IQCM: variants seen among roughly 807,000 people sequenced by gnomAD.
The protein encoded by IQCM is IQ domain-containing protein M.
Under a neutral mutation model 57.6 loss-of-function variants are expected in IQCM, and 45 were observed. That is an observed-to-expected ratio of 0.78 (90% confidence interval 0.62 to 1.00). The LOEUF is 1.00. IQCM is among the 50% of genes least tolerant of loss of function. The pLI is 0.00. For synonymous variants in IQCM, 148 were observed against 158.9 expected, an observed-to-expected ratio of 0.93 and a Z score of 0.51; for missense variants, 468 against 511.6, an observed-to-expected ratio of 0.91 and a Z score of 0.82.
intron 13 of IQCM, among the ~76,000 whole-genome samples, chr4:149,410,518 T>A (rs967360377): frequency 6.6e-6 from 1 of 150,728 alleles, no homozygotes; most frequent in South Asian, 2.1e-4. Context: ...AACTAAAATT[T>A]ATGTAATATT....
intron 5 of IQCM, among the ~76,000 whole-genome samples, chr4:149,725,463 A>C (rs1765806553): frequency 6.6e-6 from 1 of 152,186 alleles, no homozygotes; most frequent in South Asian, 2.1e-4. Flanking sequence ...TTGCAATTTT[A>C]ATTCAAATAT....
intron 13 of IQCM, among the ~76,000 whole-genome samples, chr4:149,388,224 A>G (rs72953681): frequency 0.026 from 3,914 of 151,762 alleles, 133 homozygotes; most frequent in African/African-American, 0.079. Flanking sequence ...TGGGTCACAT[A>G]TTAGATGTGT....
intron 12 of IQCM, among the ~76,000 whole-genome samples, chr4:149,452,281 C>T (rs1005648304): frequency 6.6e-6 from 1 of 151,280 alleles, no homozygotes; most frequent in Non-Finnish European, 1.5e-5. Flanking sequence ...AATTGATCTA[C>T]AGATTCAATG....
At chr4:149,615,011 C>T (rs542634679) in intron 8 of IQCM, among the ~76,000 whole-genome samples, 2 of 152,172 alleles carry the variant, frequency 1.3e-5, no homozygotes, top group Non-Finnish European at 2.9e-5. Context: ...CAAATACTAA[C>T]TAGAAATTAC....
intron 3 of IQCM, among the ~76,000 whole-genome samples, chr4:149,737,252 A>C (rs966477804): frequency 6.6e-6 from 1 of 152,164 alleles, no homozygotes; most frequent in African/African-American, 2.4e-5. Flanking sequence ...TTTTGATAGG[A>C]ATTTGGATTA....
At position 149,813,147 on chromosome 4, in the gene IQCM, T is replaced by A. The variant is rs184784806; in HGVS notation, c.-49+2164A>T. On this transcript the variant is annotated intron_variant, in intron 2 of 13. Transcript: ENST00000636793. ...CCTGGCATCCCCCAAACAAGAAAATTTTTATTATTTTTTTCTTTCCACTCA... is the reference window on the plus strand; with the variant it reads ...CCTGGCATCCCCCAAACAAGAAAATATTTATTATTTTTTTCTTTCCACTCA... Among the ~76,000 whole-genome samples, 16 of 152,206 alleles carry A rather than the reference T, an allele frequency of 1.1e-4. 1 individual carries two copies. The East Asian group carries it at 3.1e-3, about 29-fold the overall frequency.
At chr4:149,424,499 A>G (rs1228321260) in intron 13 of IQCM, among the ~76,000 whole-genome samples, 1 of 151,836 alleles carries the variant, frequency 6.6e-6, no homozygotes, top group Non-Finnish European at 1.5e-5. Flanking sequence ...TGTGTGGAAT[A>G]TGCAGAAAAA....
At chr4:149,528,062 T>C (rs1375617419) in intron 12 of IQCM, among the ~76,000 whole-genome samples, 4 of 151,764 alleles carry the variant, frequency 2.6e-5, no homozygotes, top group African/African-American at 9.7e-5. Context: ...CTTTGCTCAC[T>C]GCAACCTCCA....
chr4:149,755,599 G>A (rs1328567415), intron 2 of IQCM, among the ~76,000 whole-genome samples: 2 of 152,120 alleles, frequency 1.3e-5, no homozygotes, highest in African/African-American at 2.4e-5. Flanking sequence ...ATTCACGATT[G>A]CAACCCTCCC....
chr4:149,789,340 A>T (rs1772364527), intron 2 of IQCM, among the ~76,000 whole-genome samples: 1 of 152,204 alleles, frequency 6.6e-6, no homozygotes, highest in Admixed American at 6.5e-5. Flanking sequence ...CTATTCTGAG[A>T]TAACCCAAGG....
intron 2 of IQCM, among the ~76,000 whole-genome samples, chr4:149,755,629 T>C (rs1211926538): frequency 6.6e-6 from 1 of 152,176 alleles, no homozygotes; most frequent in East Asian, 1.9e-4. Context: ...CCTGATTTAT[T>C]TTCTTCTTTA....
At chr4:149,452,595 A>C (rs998444777) in intron 12 of IQCM, among the ~76,000 whole-genome samples, 1 of 151,600 alleles carries the variant, frequency 6.6e-6, no homozygotes, top group Non-Finnish European at 1.5e-5. Context: ...AACTTTTTTG[A>C]GGAATAATTG....
chr4:149,550,579 C>T (rs907288197), intron 11 of IQCM, among the ~76,000 whole-genome samples: 2 of 152,034 alleles, frequency 1.3e-5, no homozygotes, highest in Admixed American at 6.5e-5. Flanking sequence ...GTATATTATG[C>T]CCTATGAGCA....
chr4:149,689,399 G>C (rs1206029671), intron 5 of IQCM, among the ~76,000 whole-genome samples: 2 of 151,872 alleles, frequency 1.3e-5, no homozygotes, highest in Non-Finnish European at 2.9e-5. Context: ...TCACACTATG[G>C]GGCCTGTGGG....
intron 7 of IQCM, among the ~76,000 whole-genome samples, 186 bp from the exon 8 acceptor site, chr4:149,621,430 C>T (rs185978363): frequency 7.4e-4 from 112 of 152,298 alleles, no homozygotes; most frequent in African/African-American, 2.5e-3. Context: ...TAGAGAGAGG[C>T]TTCAATTAAT....
chr4:149,523,614 C>A (rs1013910565), intron 12 of IQCM, among the ~76,000 whole-genome samples: 4 of 151,938 alleles, frequency 2.6e-5, no homozygotes, highest in African/African-American at 4.8e-5. Flanking sequence ...AAGAGGAGAG[C>A]AGACAAAGGT....
At chr4:149,484,270 T>C (rs1188829852) in intron 12 of IQCM, among the ~76,000 whole-genome samples, 2 of 151,992 alleles carry the variant, frequency 1.3e-5, no homozygotes, top group Non-Finnish European at 2.9e-5. Flanking sequence ...GCTTTATGTC[T>C]TTTGATTGTA....
At chr4:149,368,992 G>GTATA (rs201946807) in intron 13 of IQCM, among the ~76,000 whole-genome samples, 525 of 32,208 alleles carry the variant, frequency 0.016, 92 homozygotes, top group Admixed American at 0.13. Flanking sequence ...ATATACACGT[G>GTATA]TATATATATA....
intron 12 of IQCM, among the ~76,000 whole-genome samples, chr4:149,462,101 T>C (rs997802501): frequency 3.9e-5 from 6 of 152,152 alleles, no homozygotes; most frequent in Admixed American, 1.3e-4. Flanking sequence ...TATTGAGTGA[T>C]CTATGAATTA....
Sources: gnomAD v4.1 joint callset for allele counts (sites outside exome capture counted in the v4.1 genomes callset) on GRCh38, gnomAD v4.1.1 for gene constraint, MANE v1.5 for transcripts, NCBI Gene and HGNC (gene_info 2026-07-23, HGNC 2026-07-21) for gene names.